The following GALM variants were observed in gnomAD, a reference collection of about 807,000 sequenced individuals.
GALM encodes aldose 1-epimerase.
GALM carries 43 observed loss-of-function variants against 37.4 expected under a neutral mutation model. The ratio of observed to expected loss-of-function variants is 1.15; its 90% CI spans 0.90 to 1.48. GALM has a LOEUF of 1.48. Ranked by LOEUF, GALM falls within the 40% of genes most tolerant of loss-of-function variation. GALM has a pLI of 0.00. For missense variants in GALM, 456 were observed against 419.1 expected (o/e 1.09, Z -0.77); for synonymous variants, 199 against 170.6 (o/e 1.17, Z -1.30).
chr2:38,676,104 C>G (rs763031775), intron 2 of GALM, 38 bp downstream of exon 2: 14 of 1,602,072 alleles, frequency 8.7e-6, no homozygotes, highest in Middle Eastern at 3.3e-4. Flanking sequence ...CCTTTAGGCT[C>G]ACTTTACGCA....
intron 4 of GALM, among the ~76,000 whole-genome samples, chr2:38,722,671 C>T (rs1666407696): frequency 6.6e-6 from 1 of 152,208 alleles, no homozygotes; most frequent in South Asian, 2.1e-4. Flanking sequence ...CTCAGCATTG[C>T]TGAGAGCTAT....
At chr2:38,681,156 T>C in intron 2 of GALM, 124 bp from the exon 3 acceptor site, 1 of 817,604 alleles carries the variant, frequency 1.2e-6, no homozygotes, top group Non-Finnish European at 2.1e-6. Context: ...CAGGCTATCA[T>C]TAAAAAGTCT....
chr2:38,722,040 A>ACCCCCC (rs1178141610), intron 4 of GALM, among the ~76,000 whole-genome samples: 2 of 53,438 alleles, frequency 3.7e-5, no homozygotes, highest in Non-Finnish European at 3.6e-5. Flanking sequence ...TCCCCCCCCC[A>ACCCCCC]CCCCCCCCCC....
At chr2:38,669,744 A>C (rs1395830969) in intron 1 of GALM, among the ~76,000 whole-genome samples, 2 of 152,028 alleles carry the variant, frequency 1.3e-5, no homozygotes. Flanking sequence ...ATGGTGGCGC[A>C]TGCCTGTAAT....
At chr2:38,703,592 C>T (rs1665975297) in intron 4 of GALM, among the ~76,000 whole-genome samples, 1 of 152,102 alleles carries the variant, frequency 6.6e-6, no homozygotes, top group Non-Finnish European at 1.5e-5. Context: ...GAGGTCCTGT[C>T]CATTTCTTAC....
chr2:38,733,639 T>C lies in GALM; in HGVS notation c.*74T>C. 1 of 1,056,416 alleles carries C rather than the reference T, an allele frequency of 9.5e-7. No individual in the cohort carries two copies. The highest frequency in any genetic ancestry group is 1.7e-5 in the Admixed American group (1 of 58,960). 65.4% of individuals were successfully genotyped at this position (1,056,416 alleles called of 1,614,324 possible). A position where few individuals can be genotyped will look rare whatever the true frequency, so the allele number is the denominator to read the frequency against. On this transcript the variant is annotated 3_prime_UTR_variant, in exon 7 of 7. Coordinates refer to ENST00000272252, the MANE Select transcript of GALM (RefSeq NM_138801.3). Reference sequence around the variant, plus strand: ...CTCCTGTCCAGAAAAAAGGTGAAGATTAAGAAGCTTTCAGAATGATTCTAT... The same window carrying C: ...CTCCTGTCCAGAAAAAAGGTGAAGACTAAGAAGCTTTCAGAATGATTCTAT...
At chr2:38,709,784 A>G (rs900112243) in intron 4 of GALM, among the ~76,000 whole-genome samples, 4 of 152,208 alleles carry the variant, frequency 2.6e-5, no homozygotes, top group African/African-American at 7.2e-5. Context: ...TTTAATTATC[A>G]TCCTCTTTAT....
At chr2:38,704,047 A>T (rs992583964) in intron 4 of GALM, among the ~76,000 whole-genome samples, 2 of 151,294 alleles carry the variant, frequency 1.3e-5, no homozygotes, top group Non-Finnish European at 2.9e-5. Flanking sequence ...ATAAATAAAT[A>T]AAATAAAATA....
At chr2:38,681,617 C>G in intron 3 of GALM, 131 bp downstream of exon 3, 1 of 721,940 alleles carries the variant, frequency 1.4e-6, no homozygotes, top group Non-Finnish European at 2.4e-6. Flanking sequence ...AAGGGCCCAG[C>G]AGAGGGCTTA....
intron 1 of GALM, chr2:38,669,073 A>G (rs911953873): frequency 4.6e-5 from 7 of 152,316 alleles, no homozygotes; most frequent in Middle Eastern, 6.8e-3. Context: ...AGAATTCTAA[A>G]GAAGAAAATT....
intron 4 of GALM, 80 bp from the exon 5 acceptor site, chr2:38,729,476 C>T: frequency 7.9e-7 from 1 of 1,273,522 alleles, no homozygotes; most frequent in Non-Finnish European, 1.1e-6. Flanking sequence ...GAGAGTAGAA[C>T]CAGTGAGCCT....
At chr2:38,727,787 T>G (rs1433723471) in intron 4 of GALM, among the ~76,000 whole-genome samples, 1 of 152,090 alleles carries the variant, frequency 6.6e-6, no homozygotes, top group Non-Finnish European at 1.5e-5. Flanking sequence ...CAGATAGATT[T>G]GTGTGTTCTC....
At chr2:38,711,820 ACT>A in intron 4 of GALM, among the ~76,000 whole-genome samples, 1 of 1,372 alleles carries the variant, frequency 7.3e-4, no homozygotes, top group Non-Finnish European at 1.8e-3. Flanking sequence ...CATCATCATC[ACT>A]ATCACCACCA....
intron 2 of GALM, among the ~76,000 whole-genome samples, chr2:38,676,699 G>C (rs976312398): frequency 6.6e-6 from 1 of 152,204 alleles, no homozygotes; most frequent in Non-Finnish European, 1.5e-5. Context: ...GGAGGTGGAA[G>C]TTACAGTGAG....
chr2:38,732,340 G>A (rs1332536423), intron 6 of GALM, among the ~76,000 whole-genome samples: 3 of 152,234 alleles, frequency 2.0e-5, no homozygotes, highest in Non-Finnish European at 4.4e-5. Flanking sequence ...TTATAGGCGT[G>A]AGCCACTGTG....
intron 1 of GALM, among the ~76,000 whole-genome samples, chr2:38,670,702 C>A (rs977465531): frequency 1.3e-5 from 2 of 152,158 alleles, no homozygotes; most frequent in Non-Finnish European, 2.9e-5. Context: ...TATCCCCTTT[C>A]TTTCCTTTGC....
At chr2:38,671,977 C>A (rs958623975) in intron 1 of GALM, among the ~76,000 whole-genome samples, 7 of 151,988 alleles carry the variant, frequency 4.6e-5, no homozygotes, top group Admixed American at 4.6e-4. Flanking sequence ...CAGAGAAAGA[C>A]CCTGTCTCAA....
chr2:38,730,024 G>C (rs1666567831), intron 5 of GALM, among the ~76,000 whole-genome samples: 1 of 152,094 alleles, frequency 6.6e-6, no homozygotes, highest in Non-Finnish European at 1.5e-5. Context: ...CAGAGCCTTT[G>C]TGCTTTCTCG....
chr2:38,686,511 A>G (rs1665543451), intron 3 of GALM, among the ~76,000 whole-genome samples: 1 of 151,830 alleles, frequency 6.6e-6, no homozygotes, highest in Admixed American at 6.6e-5. Flanking sequence ...TGATCCACCC[A>G]CCTTGGCCTC....
Sources: gnomAD v4.1 joint callset for allele counts (sites outside exome capture counted in the v4.1 genomes callset) on GRCh38, gnomAD v4.1.1 for gene constraint, MANE v1.5 for transcripts, NCBI Gene and HGNC (gene_info 2026-07-23, HGNC 2026-07-21) for gene names.